The following KCNH5 variants were observed in gnomAD, a reference collection of about 807,000 sequenced individuals.
KCNH5 encodes the protein voltage-gated delayed rectifier potassium channel KCNH5.
In KCNH5, 46 loss-of-function variants were observed where a neutral mutation model predicts 96.1. The ratio of observed to expected loss-of-function variants is 0.48; its 90% confidence interval spans 0.38 to 0.61. The LOEUF (loss-of-function observed/expected upper bound fraction) is 0.61, where lower values mean the gene tolerates loss of function less well. Ranked by LOEUF, KCNH5 falls within the 20% of genes least tolerant of loss-of-function variation. The probability of loss-of-function intolerance (pLI) is 0.00; values close to 1 mark genes in which losing one functional copy is unlikely to be tolerated. For synonymous variants in KCNH5, 439 were observed against 449.8 expected, an observed-to-expected ratio of 0.98 and a Z score of 0.30; for missense variants, 907 against 1,225.8, an observed-to-expected ratio of 0.74 and a Z score of 3.88.
chr14:62,827,146 T>A (rs77894970), intron 8 of KCNH5, among the ~76,000 whole-genome samples: 3 of 152,080 alleles, frequency 2.0e-5, no homozygotes, highest in Non-Finnish European at 4.4e-5. Context: ...GGAACAAAAA[T>A]GTAATAAAGA....
At chr14:63,008,393 G>A (rs901572020) in intron 2 of KCNH5, among the ~76,000 whole-genome samples, 1 of 151,530 alleles carries the variant, frequency 6.6e-6, no homozygotes, top group Non-Finnish European at 1.5e-5. Flanking sequence ...AACCTAAAAG[G>A]CATAGTTTTT....
chr14:62,753,798 T>C (rs1885557365), intron 10 of KCNH5, among the ~76,000 whole-genome samples: 1 of 152,176 alleles, frequency 6.6e-6, no homozygotes, highest in South Asian at 2.1e-4. Flanking sequence ...CAAGGGAAGC[T>C]GAGGGTTTTC....
chr14:63,006,016 C>T (rs935548112), intron 3 of KCNH5, among the ~76,000 whole-genome samples: 5 of 152,022 alleles, frequency 3.3e-5, no homozygotes, highest in Non-Finnish European at 7.4e-5. Flanking sequence ...TAACAATTAC[C>T]GTTTTCTTTA....
chr14:63,024,284 A>AAAATCGTTTTTAG (rs1891485987), intron 1 of KCNH5, among the ~76,000 whole-genome samples: 1 of 151,862 alleles, frequency 6.6e-6, no homozygotes, highest in Non-Finnish European at 1.5e-5. Context: ...GGAAGCAATA[A>AAAATCGTTTTTAG]AAATCGTTTT....
intron 8 of KCNH5, among the ~76,000 whole-genome samples, chr14:62,809,450 G>A (rs1886831283): frequency 6.6e-6 from 1 of 152,062 alleles, no homozygotes; most frequent in Non-Finnish European, 1.5e-5. Context: ...CCTTTACAGG[G>A]TTTCTGACCT....
intron 10 of KCNH5, among the ~76,000 whole-genome samples, chr14:62,752,406 G>A (rs1195103505): frequency 6.6e-6 from 1 of 151,904 alleles, no homozygotes; most frequent in African/African-American, 2.4e-5. Context: ...GGGCTCTTGG[G>A]GTCCCAGATT....
intron 7 of KCNH5, among the ~76,000 whole-genome samples, chr14:62,932,285 G>T (rs560995185): frequency 5.5e-4 from 83 of 152,114 alleles, no homozygotes; most frequent in Middle Eastern, 3.4e-3. Context: ...GAGAAGAGGA[G>T]ATTTTGCACT....
At chr14:62,999,004 A>T (rs1890961439) in intron 4 of KCNH5, among the ~76,000 whole-genome samples, 2 of 152,186 alleles carry the variant, frequency 1.3e-5, no homozygotes, top group Admixed American at 6.5e-5. Context: ...ATACGTGTGC[A>T]TGTGTCTTTA....
intron 1 of KCNH5, among the ~76,000 whole-genome samples, 198 bp downstream of exon 1, chr14:63,044,916 G>A (rs1891894079): frequency 6.6e-6 from 1 of 152,126 alleles, no homozygotes; most frequent in African/African-American, 2.4e-5. Context: ...CTGGTAGGAA[G>A]GGGATGCAAC....
intron 1 of KCNH5, among the ~76,000 whole-genome samples, chr14:63,037,812 A>C (rs1891750820): frequency 6.6e-6 from 1 of 152,186 alleles, no homozygotes; most frequent in African/African-American, 2.4e-5. Flanking sequence ...AAACTCACTC[A>C]GAAGGTACTT....
rs563011541 is a variant in KCNH5 at position 62,702,235 on chromosome 14, T to C, written c.*5273A>G. 8.5e-5 allele frequency: 13 copies of C among 152,210 alleles called. No individual in the cohort carries two copies. In the East Asian group the frequency reaches 1.7e-3, roughly 20 times the overall value. The allele number at this position is 152,210 out of a possible 1,614,324, so 9.4% of individuals were successfully genotyped here. On this transcript the variant is annotated 3_prime_UTR_variant, in exon 11 of 11. Coordinates refer to ENST00000322893, the MANE Select transcript of KCNH5 (RefSeq NM_139318.5). ...TAGGAGAAGTAAAGGAAAATTCCAC[T>C]GTTGGGACAGGGCACCTTTTGCTTA...
intron 10 of KCNH5, among the ~76,000 whole-genome samples, chr14:62,775,684 G>T (rs1012124265): frequency 6.6e-6 from 1 of 152,140 alleles, no homozygotes; most frequent in African/African-American, 2.4e-5. Context: ...AAGTAGAATA[G>T]ATTTGCTTTC....
intron 7 of KCNH5, among the ~76,000 whole-genome samples, chr14:62,941,178 C>A (rs753060977): frequency 5.3e-5 from 8 of 152,160 alleles, no homozygotes; most frequent in Non-Finnish European, 1.2e-4. Context: ...GATACAAGGA[C>A]ACAAGAGATG....
chr14:62,819,647 C>G (rs1193440153), intron 8 of KCNH5, among the ~76,000 whole-genome samples: 1 of 152,052 alleles, frequency 6.6e-6, no homozygotes, highest in African/African-American at 2.4e-5. Context: ...AAAATACTGG[C>G]TACTTCAGGG....
chr14:63,016,760 T>G, intron 2 of KCNH5, 71 bp downstream of exon 2: 1 of 1,508,038 alleles, frequency 6.6e-7, no homozygotes, highest in Non-Finnish European at 9.0e-7. Context: ...CCAAGTAAGC[T>G]TAAGCCTTTT....
intron 1 of KCNH5, among the ~76,000 whole-genome samples, chr14:63,043,941 A>G (rs1166852482): frequency 1.3e-5 from 2 of 152,144 alleles, no homozygotes; most frequent in Non-Finnish European, 2.9e-5. Flanking sequence ...GGGGATGTGT[A>G]TTAATTACTT....
chr14:62,818,750 A>G (rs1425259488), intron 8 of KCNH5, among the ~76,000 whole-genome samples: 1 of 152,166 alleles, frequency 6.6e-6, no homozygotes, highest in Non-Finnish European at 1.5e-5. Flanking sequence ...AACAGCCAAA[A>G]ATTAGAAGCA....
intron 2 of KCNH5, among the ~76,000 whole-genome samples, chr14:63,013,906 T>C (rs114001342): frequency 6.6e-6 from 1 of 152,116 alleles, no homozygotes; most frequent in Middle Eastern, 3.2e-3. Context: ...AAAATGGATA[T>C]AGTTTAATTT....
chr14:62,810,641 A>G (rs1219191508), intron 8 of KCNH5, among the ~76,000 whole-genome samples: 1 of 152,084 alleles, frequency 6.6e-6, no homozygotes, highest in East Asian at 1.9e-4. Flanking sequence ...CATCAGTGCC[A>G]TGACAGTTTA....
Sources: gnomAD v4.1 joint callset for allele counts (sites outside exome capture counted in the v4.1 genomes callset) on GRCh38, gnomAD v4.1.1 for gene constraint, MANE v1.5 for transcripts, NCBI Gene and HGNC (gene_info 2026-07-23, HGNC 2026-07-21) for gene names.